The following ZEB1 variants were observed in gnomAD, a reference collection of about 807,000 sequenced individuals.
ZEB1 encodes zinc finger E-box-binding homeobox 1.
Under a neutral mutation model 84.9 loss-of-function variants are expected in ZEB1, and 21 were observed. The ratio of observed to expected loss-of-function variants is 0.25; its 90% CI spans 0.18 to 0.36. ZEB1 has a LOEUF of 0.36. Among genes scored for constraint, ZEB1 ranks in the 10% least tolerant of loss-of-function variants. The probability of loss-of-function intolerance (pLI) is 1.00; values close to 1 mark genes in which losing one functional copy is unlikely to be tolerated. For synonymous variants in ZEB1, 420 were observed against 471.1 expected (o/e 0.89, Z 1.41); for missense variants, 1,104 against 1,330.2 (o/e 0.83, Z 2.65).
intron 2 of ZEB1, among the ~76,000 whole-genome samples, chr10:31,481,603 C>T (rs971808329): frequency 1.4e-4 from 22 of 151,810 alleles, no homozygotes; most frequent in Admixed American, 4.6e-4. Context: ...GCAGGAGGAT[C>T]GCTTGAGACC....
chr10:31,501,856 G>A (rs1419383280), intron 3 of ZEB1, among the ~76,000 whole-genome samples: 1 of 152,090 alleles, frequency 6.6e-6, no homozygotes, highest in African/African-American at 2.4e-5. Flanking sequence ...TATTCTTCTT[G>A]TACTGTATTC....
At chr10:31,373,473 GTATAT>G (rs994215322) in intron 1 of ZEB1, among the ~76,000 whole-genome samples, 5 of 151,706 alleles carry the variant, frequency 3.3e-5, no homozygotes, top group Non-Finnish European at 7.4e-5. Flanking sequence ...ATTTAAAATA[GTATAT>G]TATAAAATTG....
intron 1 of ZEB1, among the ~76,000 whole-genome samples, chr10:31,324,679 C>A (rs1456239517): frequency 6.6e-6 from 1 of 151,918 alleles, no homozygotes; most frequent in African/African-American, 2.4e-5. Flanking sequence ...CTCTTTATTT[C>A]TAATTGAGAT....
Position 31,412,453 on chromosome 10 carries a change from C to G in ZEB1, c.59-48584C>G, listed in dbSNP as rs191663441. Among the ~76,000 whole-genome samples, 91 of 152,218 alleles carry G rather than the reference C, an allele frequency of 6.0e-4. 4 individuals are homozygous for G. The highest frequency in any genetic ancestry group is 3.3e-4 in the Admixed American group (5 of 15,296). On this transcript the variant is annotated intron_variant, in intron 1 of 8. Transcript: ENST00000424869. ...GGCCCTGGTGTGTGATGTTCCCCTT[C>G]CTGTGTCCAAGTGTTCTCATTGTTC... is the stretch of plus-strand genomic sequence containing the variant.
intron 1 of ZEB1, among the ~76,000 whole-genome samples, chr10:31,345,132 A>G (rs920168832): frequency 6.6e-6 from 1 of 152,130 alleles, no homozygotes; most frequent in African/African-American, 2.4e-5. Flanking sequence ...CCAAATTAGC[A>G]TGTTGAATAT....
intron 1 of ZEB1, among the ~76,000 whole-genome samples, chr10:31,331,081 CTTTTTTTTTTTTTTT>C (rs548615284): frequency 3.9e-5 from 3 of 77,848 alleles, no homozygotes; most frequent in African/African-American, 1.7e-4. Flanking sequence ...TTCTTTCTTT[CTTTTTTTTTTTTTTT>C]TTTTTTTTTT....
intron 2 of ZEB1, among the ~76,000 whole-genome samples, chr10:31,490,701 C>G (rs1453144863): frequency 6.6e-6 from 1 of 151,514 alleles, no homozygotes; most frequent in Admixed American, 6.6e-5. Flanking sequence ...TCATCTTTTC[C>G]TATGTGACTT....
intron 1 of ZEB1, among the ~76,000 whole-genome samples, chr10:31,438,571 A>T (rs2058540567): frequency 1.3e-5 from 2 of 152,220 alleles, no homozygotes; most frequent in East Asian, 3.9e-4. Flanking sequence ...GTGCAGTGGC[A>T]CATACCAGTA....
Position 31,520,797 on chromosome 10 carries a change from G to A in ZEB1, c.1465G>A (p.Val489Ile), listed in dbSNP as rs945716050. ...TGAGCAGCCTAGCCAACTTCAAGTT[G>A]TTCCTCAAAATTTAAAAAAAGAAAA... ...SLEQPSQLQV[V>I]PQNLKKENPV... The change falls in exon 7 of 9, where the codon GTT becomes ATT. Residue 489 changes from valine to isoleucine, a missense_variant. Coordinates refer to ENST00000424869, the MANE Select transcript of ZEB1 (RefSeq NM_001174096.2). The surrounding 1 kb of genome is among the most constrained non-coding windows in gnomAD (Gnocchi z 5.1). The A allele has an allele frequency of 6.2e-7, 1 of 1,613,828 alleles. No individual in the cohort carries two copies. The highest frequency in any genetic ancestry group is 2.2e-5 in the East Asian group (1 of 44,864).
At chr10:31,417,155 G>T (rs999116757) in intron 1 of ZEB1, among the ~76,000 whole-genome samples, 2 of 152,050 alleles carry the variant, frequency 1.3e-5, no homozygotes, top group African/African-American at 4.8e-5. Flanking sequence ...TCCCCAGTTG[G>T]TTATCAAATC....
At chr10:31,392,660 G>A (rs2049963109) in intron 1 of ZEB1, among the ~76,000 whole-genome samples, 2 of 151,872 alleles carry the variant, frequency 1.3e-5, no homozygotes, top group Admixed American at 1.3e-4. Context: ...TTAAGATCTA[G>A]TGCATTTATA....
At chr10:31,450,891 C>T (rs9416970) in intron 1 of ZEB1, among the ~76,000 whole-genome samples, 30 of 131,136 alleles carry the variant, frequency 2.3e-4, no homozygotes, top group East Asian at 7.8e-4. Flanking sequence ...TGTGTGTGTG[C>T]GTGCGTGCGC....
At chr10:31,510,041 T>C (rs2069694095) in intron 4 of ZEB1, among the ~76,000 whole-genome samples, 1 of 152,132 alleles carries the variant, frequency 6.6e-6, no homozygotes, top group African/African-American at 2.4e-5. Flanking sequence ...TGGGATGTGT[T>C]TATGTAGCAG....
rs115322947 is a variant in ZEB1, at chr10:31,348,977, A to G, written c.58+29685A>G. ...TACTCTTCACAATTTTCAGGTGTACAGTATATTAACTGTAGGCCTATGATT... is the reference window on the plus strand; with the variant it reads ...TACTCTTCACAATTTTCAGGTGTACGGTATATTAACTGTAGGCCTATGATT... On this transcript the variant is annotated intron_variant, in intron 1 of 8. Coordinates refer to ENST00000424869, the MANE Select transcript of ZEB1 (RefSeq NM_001174096.2). Among the ~76,000 whole-genome samples, 850 of 152,286 alleles carry G rather than the reference A, an allele frequency of 5.6e-3. 13 individuals are homozygous for G. Among genetic ancestry groups the G allele is most frequent in the African/African-American group, 0.02 (814 of 41,560 alleles).
chr10:31,501,073 T>C (rs1316005737), intron 3 of ZEB1, among the ~76,000 whole-genome samples: 1 of 152,218 alleles, frequency 6.6e-6, no homozygotes. Context: ...AAGATTGTTT[T>C]AATAACCATC....
intron 2 of ZEB1, among the ~76,000 whole-genome samples, chr10:31,484,071 A>G (rs541783893): frequency 1.3e-5 from 2 of 152,144 alleles, no homozygotes; most frequent in East Asian, 3.9e-4. Context: ...CTCTAAAGCC[A>G]GGAAAACAGG....
At chr10:31,408,013 A>G (rs954108417) in intron 1 of ZEB1, among the ~76,000 whole-genome samples, 1 of 149,942 alleles carries the variant, frequency 6.7e-6, no homozygotes, top group African/African-American at 2.4e-5. Flanking sequence ...TCAGCCCAAA[A>G]TCTCCTTAAG....
At chr10:31,443,316 A>C (rs935308518) in intron 1 of ZEB1, among the ~76,000 whole-genome samples, 5 of 151,360 alleles carry the variant, frequency 3.3e-5, no homozygotes, top group Non-Finnish European at 7.4e-5. Flanking sequence ...TTGTCTTTTG[A>C]CTTGATTTTT....
At chr10:31,380,497 ATC>A (rs1271085485) in intron 1 of ZEB1, among the ~76,000 whole-genome samples, 60 of 152,134 alleles carry the variant, frequency 3.9e-4, no homozygotes, top group Admixed American at 3.3e-3. Context: ...TGCCAACCCA[ATC>A]TCTCTATTGA....
Sources: gnomAD v4.1 joint callset for allele counts (sites outside exome capture counted in the v4.1 genomes callset) on GRCh38, gnomAD v4.1.1 for gene constraint, Gnocchi (gnomAD v3.1) non-coding constraint, MANE v1.5 for transcripts, NCBI Gene and HGNC (gene_info 2026-07-23, HGNC 2026-07-21) for gene names.